NELL2: variants seen among roughly 807,000 people sequenced by gnomAD.
NELL2 encodes the protein protein kinase C-binding protein NELL2.
Under a neutral mutation model 109.6 loss-of-function variants are expected in NELL2, and 41 were observed. The ratio of observed to expected loss-of-function variants is 0.37; its 90% CI spans 0.29 to 0.49. The LOEUF (loss-of-function observed/expected upper bound fraction) is 0.49. Among genes scored for constraint, NELL2 ranks in the 20% least tolerant of loss-of-function variants. The pLI is 0.98. For missense variants in NELL2, 900 were observed against 1,008.3 expected, an observed-to-expected ratio of 0.89 and a Z score of 1.45; for synonymous variants, 355 against 344.7, an observed-to-expected ratio of 1.03 and a Z score of -0.33.
intron 9 of NELL2, among the ~76,000 whole-genome samples, chr12:44,728,989 A>C (rs948614485): frequency 6.6e-6 from 1 of 152,188 alleles, no homozygotes; most frequent in Non-Finnish European, 1.5e-5. Context: ...AGAAGACCTT[A>C]AAGTTGAAAT....
At chr12:44,843,189 A>C (rs1592639880) in intron 2 of NELL2, among the ~76,000 whole-genome samples, 1 of 152,124 alleles carries the variant, frequency 6.6e-6, no homozygotes, top group African/African-American at 2.4e-5. Context: ...TGAAAAAAAA[A>C]CAACCCTCCT....
At position 44,557,710 on chromosome 12, in the gene NELL2, A is replaced by T. The variant is rs1177666803; in HGVS notation, c.1664-24989T>A. On this transcript the variant is annotated intron_variant, in intron 15 of 19. Coordinates refer to ENST00000429094, the MANE Select transcript of NELL2 (RefSeq NM_001145108.2). Reference sequence around the variant, plus strand: ...GGGGTTCAAGAGAGATTGAGAACCAAGTGCAAATTTGGTATTGTTTGATAT... The same window carrying T: ...GGGGTTCAAGAGAGATTGAGAACCATGTGCAAATTTGGTATTGTTTGATAT... Among the ~76,000 whole-genome samples, 6 of 152,196 alleles carry T rather than the reference A, an allele frequency of 3.9e-5. No homozygotes were observed. In the East Asian group the frequency reaches 1.2e-3, roughly 29 times the overall value.
chr12:44,620,686 T>C (rs1946025219), intron 13 of NELL2, among the ~76,000 whole-genome samples: 1 of 152,038 alleles, frequency 6.6e-6, no homozygotes, highest in African/African-American at 2.4e-5. Flanking sequence ...CCTCCCTTCT[T>C]CTCACTCCCC....
intron 1 of NELL2, among the ~76,000 whole-genome samples, chr12:44,891,421 A>T (rs1373082656): frequency 6.6e-6 from 1 of 152,162 alleles, no homozygotes; most frequent in African/African-American, 2.4e-5. Context: ...CTTCTGCAGG[A>T]TGTCCCCATA....
intron 12 of NELL2, among the ~76,000 whole-genome samples, chr12:44,688,081 C>T (rs1948784417): frequency 6.6e-6 from 1 of 151,896 alleles, no homozygotes; most frequent in Admixed American, 6.6e-5. Context: ...AACATGAATC[C>T]CCATAGTAAA....
intron 13 of NELL2, among the ~76,000 whole-genome samples, chr12:44,645,154 A>G (rs1947048084): frequency 6.6e-6 from 1 of 152,180 alleles, no homozygotes; most frequent in African/African-American, 2.4e-5. Flanking sequence ...ACTAAATATG[A>G]GAAGCAAGAC....
chr12:44,553,584 C>G (rs1184306997), intron 15 of NELL2, among the ~76,000 whole-genome samples: 1 of 152,004 alleles, frequency 6.6e-6, no homozygotes, highest in Non-Finnish European at 1.5e-5. Flanking sequence ...AACTATGAAC[C>G]ATGAATGCTT....
At chr12:44,847,518 A>C (rs1485259870) in intron 2 of NELL2, among the ~76,000 whole-genome samples, 1 of 151,824 alleles carries the variant, frequency 6.6e-6, no homozygotes, top group Admixed American at 6.6e-5. Flanking sequence ...TAGCTAGCCT[A>C]AGCAGTCTTC....
At chr12:44,815,641 C>T (rs764251538) in intron 3 of NELL2, among the ~76,000 whole-genome samples, 3 of 152,188 alleles carry the variant, frequency 2.0e-5, no homozygotes, top group Non-Finnish European at 2.9e-5. Flanking sequence ...GTTGTTGAGA[C>T]GGAGTCTCGC....
At chr12:44,705,081 C>T (rs1937793046) in intron 11 of NELL2, among the ~76,000 whole-genome samples, 2 of 150,904 alleles carry the variant, frequency 1.3e-5, no homozygotes, top group South Asian at 2.1e-4. Context: ...TCTGATCAAC[C>T]TATAAGCAAG....
At chr12:44,744,162 A>C (rs1386769580) in intron 9 of NELL2, among the ~76,000 whole-genome samples, 1 of 152,234 alleles carries the variant, frequency 6.6e-6, no homozygotes, top group East Asian at 1.9e-4. Flanking sequence ...AAAACCGCTC[A>C]ACTACATGGA....
At chr12:44,627,787 A>C (rs956748091) in intron 13 of NELL2, among the ~76,000 whole-genome samples, 56 of 152,366 alleles carry the variant, frequency 3.7e-4, no homozygotes, top group African/African-American at 1.3e-3. Flanking sequence ...AAGCAATTCC[A>C]ACTTATGGAA....
At chr12:44,623,834 T>A (rs1946142813) in intron 13 of NELL2, among the ~76,000 whole-genome samples, 1 of 152,110 alleles carries the variant, frequency 6.6e-6, no homozygotes, top group Non-Finnish European at 1.5e-5. Context: ...TGTAGCTTAA[T>A]AAGCAACTGG....
At chr12:44,678,103 G>A (rs565406723) in intron 12 of NELL2, among the ~76,000 whole-genome samples, 1 of 152,140 alleles carries the variant, frequency 6.6e-6, no homozygotes, top group African/African-American at 2.4e-5. Flanking sequence ...ATACCTGGGG[G>A]ACTTGGACAT....
In NELL2 at chr12:44,753,759, T is replaced by C. The variant is rs145184245; in HGVS notation, c.994+20988A>G. ...TAGAAAGCATTCTGTAAATATGAACTAGTATTACAATGGCTGGCTTGCAGC... is the reference window on the plus strand; with the variant it reads ...TAGAAAGCATTCTGTAAATATGAACCAGTATTACAATGGCTGGCTTGCAGC... On this transcript the variant is annotated intron_variant, in intron 9 of 19. Coordinates refer to ENST00000429094, the MANE Select transcript of NELL2 (RefSeq NM_001145108.2). Among the ~76,000 whole-genome samples the C allele has an allele frequency of 4.5e-3, 690 of 152,324 alleles. 7 individuals are homozygous for C. The highest frequency in any genetic ancestry group is 0.016 in the African/African-American group (649 of 41,580).
At chr12:44,559,086 T>A (rs1943370253) in intron 15 of NELL2, among the ~76,000 whole-genome samples, 1 of 152,136 alleles carries the variant, frequency 6.6e-6, no homozygotes, top group South Asian at 2.1e-4. Flanking sequence ...CTAAGCTTCA[T>A]GAGTGAAGGA....
At chr12:44,529,387 C>T (rs1203590365) in intron 16 of NELL2, among the ~76,000 whole-genome samples, 1 of 152,052 alleles carries the variant, frequency 6.6e-6, no homozygotes, top group African/African-American at 2.4e-5. Context: ...CTGTTTTAGT[C>T]GTATTAAGTC....
intron 3 of NELL2, among the ~76,000 whole-genome samples, chr12:44,800,624 G>T (rs1010098667): frequency 1.3e-5 from 2 of 152,094 alleles, no homozygotes; most frequent in African/African-American, 4.8e-5. Flanking sequence ...GCCCCTGAAT[G>T]TCCTATGATT....
chr12:44,742,252 C>G (rs951975494), intron 9 of NELL2, among the ~76,000 whole-genome samples: 4 of 152,122 alleles, frequency 2.6e-5, no homozygotes, highest in Non-Finnish European at 5.9e-5. Flanking sequence ...TGAGGGTCCT[C>G]TCTGTTGGAA....
Sources: gnomAD v4.1 joint callset for allele counts (sites outside exome capture counted in the v4.1 genomes callset) on GRCh38, gnomAD v4.1.1 for gene constraint, MANE v1.5 for transcripts, NCBI Gene and HGNC (gene_info 2026-07-23, HGNC 2026-07-21) for gene names.